Variants in BCAR3 observed in about 807,000 individuals in gnomAD.
BCAR3 encodes the protein BCAR3 adaptor protein, NSP family member.
Under a neutral mutation model 80.1 loss-of-function variants are expected in BCAR3, and 37 were observed. The observed-to-expected ratio is 0.46, with a 90% confidence interval of 0.36 to 0.61. The LOEUF is 0.61. BCAR3 is among the 20% of genes least tolerant of loss of function. BCAR3 has a pLI of 0.00. For missense variants in BCAR3, 978 were observed against 1,068.2 expected (o/e 0.92, Z 1.18); for synonymous variants, 389 against 418.9 (o/e 0.93, Z 0.87).
chr1:93,688,778 TTTTG>T (rs139919913), intron 3 of BCAR3, among the ~76,000 whole-genome samples: 43,425 of 150,420 alleles, frequency 0.29, 9,025 homozygotes, highest in African/African-American at 0.6. Context: ...TTTTGTTTGT[TTTTG>T]TTTGTTTGTT....
intron 8 of BCAR3, 134 bp from the exon 9 acceptor site, chr1:93,571,975 T>G: frequency 1.8e-6 from 2 of 1,081,564 alleles, no homozygotes; most frequent in East Asian, 2.5e-5. Context: ...CAGCACAGTT[T>G]AGACGGCCAA....
intron 2 of BCAR3, among the ~76,000 whole-genome samples, chr1:93,787,729 A>G (rs1652998628): frequency 6.6e-6 from 1 of 152,182 alleles, no homozygotes; most frequent in Non-Finnish European, 1.5e-5. Flanking sequence ...TTTGTGGCCT[A>G]TCATATGGTC....
chr1:93,810,283 T>G (rs566630302), intron 2 of BCAR3, among the ~76,000 whole-genome samples: 1 of 152,046 alleles, frequency 6.6e-6, no homozygotes, highest in African/African-American at 2.4e-5. Flanking sequence ...AGTTTATAAA[T>G]ATACGCATCT....
chr1:93,642,443 C>T (rs1676012507), intron 2 of BCAR3, 100 bp from the exon 3 acceptor site: 1 of 1,189,226 alleles, frequency 8.4e-7, no homozygotes, highest in Non-Finnish European at 1.2e-6. Context: ...CACTAAGTTA[C>T]TAAGCTGGGC....
chr1:93,762,633 CA>C (rs1309913218), intron 2 of BCAR3, among the ~76,000 whole-genome samples: 1 of 152,182 alleles, frequency 6.6e-6, no homozygotes, highest in African/African-American at 2.4e-5. Context: ...ACCCCGAACC[CA>C]ATCATTGTCA....
At chr1:93,646,285 T>G (rs171030) in intron 2 of BCAR3, among the ~76,000 whole-genome samples, 1,969 of 152,244 alleles carry the variant, frequency 0.013, 41 homozygotes, top group African/African-American at 0.044. Flanking sequence ...TTAAGTAAAA[T>G]CTTTAATAAA....
intron 3 of BCAR3, among the ~76,000 whole-genome samples, chr1:93,691,779 A>T (rs1486036979): frequency 2.0e-5 from 3 of 152,136 alleles, no homozygotes; most frequent in Non-Finnish European, 4.4e-5. Context: ...GAAAAAAAAA[A>T]TGCAAATGGA....
At chr1:93,808,978 A>T (rs1453063439) in intron 2 of BCAR3, among the ~76,000 whole-genome samples, 3 of 152,186 alleles carry the variant, frequency 2.0e-5, no homozygotes, top group Non-Finnish European at 2.9e-5. Context: ...TAACCAACTC[A>T]ACAATGATTT....
intron 2 of BCAR3, among the ~76,000 whole-genome samples, chr1:93,784,382 G>A (rs1652871314): frequency 2.0e-5 from 3 of 152,154 alleles, no homozygotes; most frequent in Non-Finnish European, 4.4e-5. Flanking sequence ...TGGGGGAACT[G>A]CCTGCCCCAG....
At chr1:93,562,458 G>A (rs923925521) in intron 11 of BCAR3, 39 bp from the exon 12 acceptor site, 1 of 1,591,144 alleles carries the variant, frequency 6.3e-7, no homozygotes, top group African/African-American at 1.3e-5. Flanking sequence ...CTTCAGTTCT[G>A]CCTAAGATGT....
chr1:93,637,760 G>T (rs1675837324), intron 3 of BCAR3, among the ~76,000 whole-genome samples: 1 of 152,124 alleles, frequency 6.6e-6, no homozygotes, highest in Non-Finnish European at 1.5e-5. Flanking sequence ...GCAATCTTAG[G>T]ATCAACAGGG....
At chr1:93,584,929 TA>T in intron 5 of BCAR3, 1 of 957,588 alleles carries the variant, frequency 1.0e-6, no homozygotes, top group Non-Finnish European at 1.2e-6. Flanking sequence ...CCCATAAGCA[TA>T]AAACATTGTT....
intron 2 of BCAR3, among the ~76,000 whole-genome samples, chr1:93,798,732 T>C (rs1653370550): frequency 6.6e-6 from 1 of 152,234 alleles, no homozygotes; most frequent in African/African-American, 2.4e-5. Flanking sequence ...GCTTGTTTGG[T>C]ATTTTTCAAA....
intron 3 of BCAR3, among the ~76,000 whole-genome samples, chr1:93,703,928 G>T (rs1019876379): frequency 1.3e-5 from 2 of 152,202 alleles, no homozygotes; most frequent in African/African-American, 4.8e-5. Flanking sequence ...TAATACAGGA[G>T]CCACATGTGG....
chr1:93,577,449 G>A (rs987387297), intron 7 of BCAR3, among the ~76,000 whole-genome samples: 1 of 152,182 alleles, frequency 6.6e-6, no homozygotes, highest in South Asian at 2.1e-4. Flanking sequence ...TAGACGCCAC[G>A]ACAGGATGCA....
chr1:93,590,586 G>A (rs1674130884), intron 4 of BCAR3, among the ~76,000 whole-genome samples: 1 of 152,180 alleles, frequency 6.6e-6, no homozygotes, highest in Admixed American at 6.5e-5. Flanking sequence ...GATAGTATCG[G>A]TTTTATAATT....
chr1:93,567,240 TAC>T (rs1400686708), intron 11 of BCAR3, 37 bp downstream of exon 11: 1 of 1,599,682 alleles, frequency 6.3e-7, no homozygotes, highest in Non-Finnish European at 8.6e-7. Context: ...TCAATTACGA[TAC>T]AGTGTTAGAG....
At chr1:93,696,810 C>T (rs775801793) in intron 3 of BCAR3, among the ~76,000 whole-genome samples, 5 of 152,244 alleles carry the variant, frequency 3.3e-5, no homozygotes, top group African/African-American at 1.2e-4. Context: ...GCCCAGGCAT[C>T]GTGTCCCCAG....
chr1:93,571,495 AAAAAG>A, intron 9 of BCAR3, 170 bp downstream of exon 9: 1 of 785,776 alleles, frequency 1.3e-6, no homozygotes, highest in Non-Finnish European at 2.0e-6. Context: ...TTCTGTCTCA[AAAAAG>A]AAAAAAAAAA....
Sources: gnomAD v4.1 joint callset for allele counts (sites outside exome capture counted in the v4.1 genomes callset) on GRCh38, gnomAD v4.1.1 for gene constraint, MANE v1.5 for transcripts, NCBI Gene and HGNC (gene_info 2026-07-23, HGNC 2026-07-21) for gene names.